The following FBN2 variants were observed in gnomAD, a reference collection of about 807,000 sequenced individuals.
FBN2 encodes fibrillin-2.
In FBN2, 105 loss-of-function variants were observed where a neutral mutation model predicts 355.6. The observed-to-expected ratio is 0.30, with a 90% CI of 0.25 to 0.35. The LOEUF (loss-of-function observed/expected upper bound fraction) is 0.35, where lower values mean the gene tolerates loss of function less well. Among genes scored for constraint, FBN2 ranks in the 10% least tolerant of loss-of-function variants. FBN2 has a pLI of 1.00. For synonymous variants in FBN2, 1,350 were observed against 1,301.2 expected (o/e 1.04, Z -0.81); for missense variants, 3,280 against 3,758.7 (o/e 0.87, Z 3.33).
At chr5:128,514,944 C>A (rs1029140390) in intron 5 of FBN2, among the ~76,000 whole-genome samples, 2 of 152,078 alleles carry the variant, frequency 1.3e-5, no homozygotes, top group African/African-American at 4.8e-5. Context: ...CTATGTAATA[C>A]CAGCTTGTTC....
intron 8 of FBN2, among the ~76,000 whole-genome samples, chr5:128,398,971 A>C (rs1294894733): frequency 6.6e-6 from 1 of 152,212 alleles, no homozygotes; most frequent in Non-Finnish European, 1.5e-5. Flanking sequence ...CTGTAAGTCC[A>C]ATAAATCTCT....
At chr5:128,398,599 A>C (rs551766679) in intron 8 of FBN2, among the ~76,000 whole-genome samples, 148 of 152,278 alleles carry the variant, frequency 9.7e-4, no homozygotes, top group African/African-American at 3.5e-3. Context: ...TGAATATATT[A>C]TCTTCAATTA....
chr5:128,307,584 A>G (rs1369774391), intron 41 of FBN2, among the ~76,000 whole-genome samples: 2 of 152,128 alleles, frequency 1.3e-5, no homozygotes, highest in African/African-American at 4.8e-5. Context: ...AAGGAATTAC[A>G]GATTGCACAA....
At chr5:128,324,387 A>G (rs1311483469) in intron 34 of FBN2, among the ~76,000 whole-genome samples, 1 of 151,938 alleles carries the variant, frequency 6.6e-6, no homozygotes. Flanking sequence ...TAGCGTGTTG[A>G]TTTTAGATCT....
At chr5:128,405,136 A>G (rs1194359513) in intron 8 of FBN2, among the ~76,000 whole-genome samples, 1 of 152,192 alleles carries the variant, frequency 6.6e-6, no homozygotes, top group Non-Finnish European at 1.5e-5. Flanking sequence ...GTGCCACTGC[A>G]TTCCAACCTG....
In FBN2 at chr5:128,454,512, T is replaced by A. The variant is rs368377503; in HGVS notation, c.827-7906A>T. On this transcript the variant is annotated intron_variant, in intron 6 of 64. Coordinates refer to ENST00000262464, the MANE Select transcript of FBN2 (RefSeq NM_001999.4). ...ATTTATTCTAATCAAATAAATCAGA[T>A]AATAGCCAAGTTTACTTTTTACTTG... is the stretch of plus-strand genomic sequence containing the variant. 3.3e-5 allele frequency among the ~76,000 whole-genome samples: 5 copies of A among 152,206 alleles called. No individual in the cohort carries two copies. The South Asian group carries it at 8.3e-4, about 25-fold the overall frequency.
At chr5:128,458,291 GC>G (rs1195989878) in intron 6 of FBN2, among the ~76,000 whole-genome samples, 5 of 151,620 alleles carry the variant, frequency 3.3e-5, no homozygotes, top group African/African-American at 7.3e-5. Context: ...ATTCATAAAA[GC>G]ACCCAGATTC....
At chr5:128,298,248 T>C (rs1300875823) in intron 48 of FBN2, among the ~76,000 whole-genome samples, 2 of 151,416 alleles carry the variant, frequency 1.3e-5, no homozygotes, top group African/African-American at 2.4e-5. Flanking sequence ...AACCTGACCT[T>C]TCTCTCTGGC....
At chr5:128,455,227 T>C (rs1754349496) in intron 6 of FBN2, among the ~76,000 whole-genome samples, 1 of 152,176 alleles carries the variant, frequency 6.6e-6, no homozygotes, top group Admixed American at 6.5e-5. Context: ...ACAAATATTA[T>C]TGGAAAAGGG....
chr5:128,380,116 A>T (rs776921781), intron 11 of FBN2, among the ~76,000 whole-genome samples: 3 of 152,044 alleles, frequency 2.0e-5, no homozygotes, highest in Non-Finnish European at 4.4e-5. Context: ...CCATCCAAGG[A>T]CCCCTTCAGC....
At chr5:128,418,540 GCGTTTC>G (rs1373584540) in intron 7 of FBN2, among the ~76,000 whole-genome samples, 2 of 151,964 alleles carry the variant, frequency 1.3e-5, no homozygotes, top group Non-Finnish European at 2.9e-5. Flanking sequence ...TTGGTATGTT[GCGTTTC>G]CATTGTCATT....
rs770303611 is a variant in FBN2, at chr5:128,408,863, A to AT, written c.953-65dup. On this transcript the variant is annotated intron_variant, in intron 7 of 64. Transcript: ENST00000262464. ...CTTCATTAAATAGCTTTTAAAAGAG[A>AT]TTTTTTTTTTAAGAGTATGAGAGCA... 11,461 of 1,503,784 alleles carry AT rather than the reference A, an allele frequency of 7.6e-3. 28 individuals are homozygous for AT. The highest frequency in any genetic ancestry group is 9.0e-3 in the Non-Finnish European group (9,850 of 1,093,048). 93.2% of individuals were successfully genotyped at this position (1,503,784 alleles called of 1,614,324 possible). A position where few individuals can be genotyped will look rare whatever the true frequency, so the allele number is the denominator to read the frequency against.
intron 57 of FBN2, 78 bp from the exon 58 acceptor site, chr5:128,278,083 G>C: frequency 6.8e-7 from 1 of 1,477,884 alleles, no homozygotes; most frequent in Non-Finnish European, 9.4e-7. Context: ...AAAGAGAAAT[G>C]AAGAAATGGA....
At chr5:128,294,779 G>C (rs1461118275) in intron 48 of FBN2, among the ~76,000 whole-genome samples, 3 of 149,844 alleles carry the variant, frequency 2.0e-5, no homozygotes, top group African/African-American at 7.4e-5. Context: ...CTCCCATTTT[G>C]TAGGTTGCCT....
intron 57 of FBN2, among the ~76,000 whole-genome samples, chr5:128,278,348 G>A (rs1316073013): frequency 6.6e-6 from 1 of 152,096 alleles, no homozygotes; most frequent in Non-Finnish European, 1.5e-5. Flanking sequence ...ATTACTTATT[G>A]TTACCTTAGC....
At chr5:128,442,838 A>G (rs1753959099) in intron 7 of FBN2, among the ~76,000 whole-genome samples, 2 of 152,132 alleles carry the variant, frequency 1.3e-5, no homozygotes, top group African/African-American at 4.8e-5. Context: ...GTTCAGATTT[A>G]CAGCTTACCT....
intron 4 of FBN2, among the ~76,000 whole-genome samples, chr5:128,526,527 A>G (rs559084019): frequency 2.0e-5 from 3 of 152,290 alleles, no homozygotes; most frequent in African/African-American, 7.2e-5. Flanking sequence ...TGGTATATTC[A>G]TATAATGAAA....
intron 32 of FBN2, among the ~76,000 whole-genome samples, chr5:128,332,313 T>C (rs1044724987): frequency 1.3e-5 from 2 of 152,168 alleles, no homozygotes; most frequent in Admixed American, 6.5e-5. Flanking sequence ...ACTAAGCATA[T>C]TACACAAAAC....
chr5:128,401,690 G>A (rs577483821), intron 8 of FBN2, among the ~76,000 whole-genome samples: 19 of 152,186 alleles, frequency 1.2e-4, no homozygotes, highest in African/African-American at 3.9e-4. Context: ...CTGAGGCAGG[G>A]TAATCACTTG....
Sources: allele counts gnomAD v4.1 joint callset (sites outside exome capture counted in the v4.1 genomes callset), GRCh38; gene constraint gnomAD v4.1.1; transcripts MANE v1.5; gene names NCBI Gene and HGNC (gene_info 2026-07-23, HGNC 2026-07-21).